ANTXR2: variants seen among roughly 807,000 people sequenced by gnomAD.
ANTXR2 encodes the protein ANTXR cell adhesion molecule 2.
In ANTXR2, 44 loss-of-function variants were observed where a neutral mutation model predicts 73.7. The observed-to-expected ratio is 0.60, with a 90% CI of 0.47 to 0.77. The LOEUF is 0.77. Among genes scored for constraint, ANTXR2 ranks in the 30% least tolerant of loss-of-function variants. The probability of loss-of-function intolerance (pLI) is 0.00; values close to 1 mark genes in which losing one functional copy is unlikely to be tolerated. For synonymous variants in ANTXR2, 217 were observed against 205.9 expected (o/e 1.05, Z -0.46); for missense variants, 604 against 592.5 (o/e 1.02, Z -0.20).
At chr4:80,058,240 G>GT (rs1035621741) in intron 3 of ANTXR2, among the ~76,000 whole-genome samples, 43 of 151,558 alleles carry the variant, frequency 2.8e-4, no homozygotes, top group East Asian at 1.2e-3. Context: ...TGGATTCAAG[G>GT]TTTTTTTTTG....
At chr4:80,019,797 A>G (rs1223453539) in intron 10 of ANTXR2, among the ~76,000 whole-genome samples, 3 of 152,194 alleles carry the variant, frequency 2.0e-5, no homozygotes, top group African/African-American at 7.2e-5. Context: ...TACAAAGAAG[A>G]GATAATAATT....
At chr4:79,908,709 G>C (rs537431867) in intron 16 of ANTXR2, among the ~76,000 whole-genome samples, 3 of 152,184 alleles carry the variant, frequency 2.0e-5, no homozygotes, top group Middle Eastern at 3.4e-3. Flanking sequence ...CAGTGCAAAA[G>C]GAAGTAGGAA....
At chr4:80,046,804 A>C (rs1353441753) in intron 7 of ANTXR2, among the ~76,000 whole-genome samples, 1 of 151,928 alleles carries the variant, frequency 6.6e-6, no homozygotes, top group Admixed American at 6.6e-5. Flanking sequence ...TACAAAACAC[A>C]GCAAAGTGTC....
chr4:79,985,622 A>G (rs1730109946), intron 12 of ANTXR2, among the ~76,000 whole-genome samples: 1 of 152,016 alleles, frequency 6.6e-6, no homozygotes, highest in Non-Finnish European at 1.5e-5. Context: ...CATATAAGAG[A>G]AAAGTCCATC....
intron 16 of ANTXR2, among the ~76,000 whole-genome samples, chr4:79,926,881 A>G (rs911772906): frequency 4.5e-5 from 3 of 66,110 alleles, no homozygotes; most frequent in South Asian, 6.2e-4. Context: ...ATATGTGTGT[A>G]TATATATGTG....
intron 6 of ANTXR2, among the ~76,000 whole-genome samples, 187 bp downstream of exon 6, chr4:80,054,963 T>G (rs1733925000): frequency 6.6e-6 from 1 of 151,818 alleles, no homozygotes; most frequent in Non-Finnish European, 1.5e-5. Context: ...AAAGTTTCAT[T>G]TTCAGTAACA....
chr4:80,064,881 C>A (rs752351920), intron 3 of ANTXR2, among the ~76,000 whole-genome samples: 29 of 152,166 alleles, frequency 1.9e-4, no homozygotes, highest in Non-Finnish European at 3.7e-4. Context: ...CACTGGCTTT[C>A]CAGTCTAAGT....
chr4:79,935,092 A>T (rs186184958), intron 16 of ANTXR2, among the ~76,000 whole-genome samples: 11 of 149,216 alleles, frequency 7.4e-5, no homozygotes, highest in Admixed American at 4.7e-4. Context: ...TTAAAGTATA[A>T]AAAAAAAAAA....
At chr4:80,020,301 G>A (rs28721541) in intron 10 of ANTXR2, among the ~76,000 whole-genome samples, 55,899 of 151,878 alleles carry the variant, frequency 0.37, 12,254 homozygotes, top group Non-Finnish European at 0.47. Context: ...CAGGAGGATC[G>A]CTTGAGCCTG....
At chr4:80,012,945 G>C (rs1416203538) in intron 11 of ANTXR2, among the ~76,000 whole-genome samples, 1 of 152,158 alleles carries the variant, frequency 6.6e-6, no homozygotes, top group African/African-American at 2.4e-5. Flanking sequence ...GCCTCCTCTT[G>C]GATTGTGAGT....
rs1727418994 is a variant in ANTXR2 at position 79,917,889 on chromosome 4, G to A, written c.1429-10422C>T. ...GATAATATAGGCAAATCTACAGGTGGTTTAGATGTTGCAGTTAATAGACAT... is the reference window on the plus strand; with the variant it reads ...GATAATATAGGCAAATCTACAGGTGATTTAGATGTTGCAGTTAATAGACAT... On this transcript the variant is annotated intron_variant, in intron 16 of 16. Transcript: ENST00000403729. Among the ~76,000 whole-genome samples, 3 of 151,838 alleles carry A rather than the reference G, an allele frequency of 2.0e-5. No individual in the cohort carries two copies. The South Asian group carries it at 6.2e-4, about 31-fold the overall frequency.
chr4:79,952,751 A>C (rs943858062), intron 16 of ANTXR2, among the ~76,000 whole-genome samples: 2 of 151,750 alleles, frequency 1.3e-5, no homozygotes, highest in Admixed American at 1.3e-4. Context: ...GAGTATAAAA[A>C]GCCTTAAAAT....
At chr4:79,945,746 A>G (rs1397660429) in intron 16 of ANTXR2, among the ~76,000 whole-genome samples, 1 of 152,182 alleles carries the variant, frequency 6.6e-6, no homozygotes, top group Admixed American at 6.6e-5. Context: ...ACAGAGTCAG[A>G]AAGGTCTAAA....
At chr4:80,019,975 G>A (rs956536242) in intron 10 of ANTXR2, among the ~76,000 whole-genome samples, 1 of 152,018 alleles carries the variant, frequency 6.6e-6, no homozygotes, top group African/African-American at 2.4e-5. Flanking sequence ...ACTAAAACAA[G>A]ATATCAAAAG....
At chr4:80,038,960 C>T (rs992806670) in intron 7 of ANTXR2, among the ~76,000 whole-genome samples, 11 of 152,054 alleles carry the variant, frequency 7.2e-5, no homozygotes, top group African/African-American at 1.9e-4. Flanking sequence ...TACTATACAG[C>T]ACATTCAGGG....
Position 80,018,956 on chromosome 4 carries a change from C to T in ANTXR2, c.887G>A (p.Ser296Asn), listed in dbSNP as rs941484155. The part of the protein sequence containing the change: ...KAGETLDVSV[S>N]FNGGKSVISG... ...AATGACAGATTTTCCTCCATTAAAGCTCACTGAAACATCAAGAGTTCTGAA... is the reference window on the plus strand; with the variant it reads ...AATGACAGATTTTCCTCCATTAAAGTTCACTGAAACATCAAGAGTTCTGAA... Residue 296 changes from serine (S) to asparagine (N), a missense_variant, in exon 11 of 17, where the codon AGC (serine) becomes AAC (asparagine). Transcript: ENST00000403729. 2 of 1,506,772 alleles carry T rather than the reference C, an allele frequency of 1.3e-6. No homozygotes were observed. Among genetic ancestry groups the T allele is most frequent in the Non-Finnish European group, 1.8e-6 (2 of 1,130,640 alleles). The allele number at this position is 1,506,772 out of a possible 1,614,324, so 93.3% of individuals were successfully genotyped here.
At chr4:79,949,654 A>C (rs143540497) in intron 16 of ANTXR2, among the ~76,000 whole-genome samples, 1 of 152,266 alleles carries the variant, frequency 6.6e-6, no homozygotes, top group East Asian at 1.9e-4. Flanking sequence ...TAAATGTCAC[A>C]ACTTACCAGC....
At chr4:79,932,431 CT>C (rs1457707883) in intron 16 of ANTXR2, among the ~76,000 whole-genome samples, 1 of 151,944 alleles carries the variant, frequency 6.6e-6, no homozygotes, top group East Asian at 1.9e-4. Flanking sequence ...GGTTCATAAT[CT>C]TGCCTGTATC....
intron 10 of ANTXR2, chr4:80,024,745 T>C (rs1005892544): frequency 9.6e-5 from 42 of 436,860 alleles, no homozygotes; most frequent in Admixed American, 5.2e-5. Flanking sequence ...TGGGTGACAG[T>C]GAGACCCCAC....
Sources: allele counts gnomAD v4.1 joint callset (sites outside exome capture counted in the v4.1 genomes callset), GRCh38; gene constraint gnomAD v4.1.1; transcripts MANE v1.5; gene names NCBI Gene and HGNC (gene_info 2026-07-23, HGNC 2026-07-21).